Variants in AKAP6 observed in about 807,000 individuals in gnomAD.
AKAP6 encodes the protein A-kinase anchor protein 6.
In AKAP6, 58 loss-of-function variants were observed where a neutral mutation model predicts 188.5. That is an observed-to-expected ratio of 0.31 (90% confidence interval 0.25 to 0.38). The LOEUF is 0.38. Ranked by LOEUF, AKAP6 falls within the 10% of genes least tolerant of loss-of-function variation. The pLI, the probability that AKAP6 is intolerant of heterozygous loss-of-function variation, is 1.00. For synonymous variants in AKAP6, 989 were observed against 998.6 expected, an observed-to-expected ratio of 0.99 and a Z score of 0.18; for missense variants, 2,710 against 2,740.0, an observed-to-expected ratio of 0.99 and a Z score of 0.24.
In AKAP6 at chr14:32,357,678, A is replaced by T. The variant is rs11845434; in HGVS notation, c.-35+28270A>T. Among the ~76,000 whole-genome samples, 1,153 of 152,342 alleles carry T rather than the reference A, an allele frequency of 7.6e-3. 18 individuals are homozygous for T. The highest frequency in any genetic ancestry group is 0.027 in the African/African-American group (1,114 of 41,588). On this transcript the variant is annotated intron_variant, in intron 1 of 13. Coordinates refer to ENST00000280979, the MANE Select transcript of AKAP6 (RefSeq NM_004274.5). ...GCACCTTTATGAAAATTAGAAAAAG[A>T]CGTTCCTTTCTCGAAACACCTTACA...
In AKAP6 at chr14:32,786,226, T is replaced by C. The variant is rs1299687589; in HGVS notation, c.3588+12333T>C. ...CTTTCATGTTCGCTCTGAGGACAGATCTCTGATAATATACATCTGTAAAAT... is the reference window on the plus strand; with the variant it reads ...CTTTCATGTTCGCTCTGAGGACAGACCTCTGATAATATACATCTGTAAAAT... On this transcript the variant is annotated intron_variant, in intron 12 of 13. Transcript: ENST00000280979. Among the ~76,000 whole-genome samples the C allele has an allele frequency of 5.3e-5, 8 of 151,062 alleles. 2 individuals are homozygous for C. Among genetic ancestry groups the C allele is most frequent in the Admixed American group, 5.3e-4 (8 of 15,110 alleles).
Position 32,546,302 on chromosome 14 carries a change from C to G in AKAP6, c.1649C>G (p.Ser550Cys). The stretch of plus-strand genomic sequence containing the variant: ...GAGGGGCCACAAACAAATTCTGCTT[C>G]CACATCCTCACTTGAGCCTTGTAAT... ...AIEGPQTNSA[S>C]TSSLEPCNQR... Residue 550 changes from serine to cysteine, a missense_variant, in exon 4 of 14, where the codon TCC becomes TGC. Physicochemically the swap from Ser to Cys is moderately radical, Grantham distance 112. Coordinates refer to ENST00000280979, the MANE Select transcript of AKAP6 (RefSeq NM_004274.5). 1.2e-6 allele frequency: 2 copies of G among 1,614,190 alleles called. No homozygotes were observed. Among genetic ancestry groups the G allele is most frequent in the Non-Finnish European group, 1.7e-6 (2 of 1,180,020 alleles).
chr14:32,444,884 A>G (rs569781422), intron 2 of AKAP6, among the ~76,000 whole-genome samples: 1 of 152,340 alleles, frequency 6.6e-6, no homozygotes, highest in South Asian at 2.1e-4. Context: ...TATTTCTGTA[A>G]TAGTGAGAGT....
At chr14:32,606,260 T>C (rs1391176869) in intron 7 of AKAP6, among the ~76,000 whole-genome samples, 1 of 152,174 alleles carries the variant, frequency 6.6e-6, no homozygotes, top group Admixed American at 6.5e-5. Context: ...GTATGTTCAA[T>C]TTTTTAATGG....
rs1332305901 is a variant in AKAP6, at chr14:32,830,635, G to C, written c.*830G>C. 6.6e-6 allele frequency: 1 copy of C among 152,636 alleles called. No individual in the cohort carries two copies. The highest frequency in any genetic ancestry group is 1.5e-5 in the Non-Finnish European group (1 of 68,042). The allele number at this position is 152,636 out of a possible 1,614,324, so 9.5% of individuals were successfully genotyped here. On this transcript the variant is annotated 3_prime_UTR_variant, in exon 14 of 14. Coordinates refer to ENST00000280979, the MANE Select transcript of AKAP6 (RefSeq NM_004274.5). ...TGAAAGGAGGAAATAGCAAGGTTAA[G>C]ATGTGTGAATAATTTCTGTATATAT...
Position 32,602,131 on chromosome 14 carries a change from C to A in AKAP6, c.2730+1339C>A, listed in dbSNP as rs558615611. On this transcript the variant is annotated intron_variant, in intron 7 of 13. Transcript: ENST00000280979. Reference sequence around the variant, plus strand: ...ACTGTATTCAGCACATTTCTCAGGGCAAACTCGGAGCTATTTTAAGGAGTA... The same window carrying A: ...ACTGTATTCAGCACATTTCTCAGGGAAAACTCGGAGCTATTTTAAGGAGTA... Among the ~76,000 whole-genome samples, 4 of 152,116 alleles carry A rather than the reference C, an allele frequency of 2.6e-5. No homozygotes were observed. The South Asian group carries it at 8.3e-4, about 32-fold the overall frequency.
At chr14:32,777,109 C>T (rs532884862) in intron 12 of AKAP6, among the ~76,000 whole-genome samples, 3 of 152,106 alleles carry the variant, frequency 2.0e-5, no homozygotes, top group Non-Finnish European at 4.4e-5. Context: ...AGTAATGGGG[C>T]AAACTTAGAC....
chr14:32,525,311 A>G (rs1006814890), intron 2 of AKAP6, among the ~76,000 whole-genome samples: 1 of 152,224 alleles, frequency 6.6e-6, no homozygotes, highest in South Asian at 2.1e-4. Flanking sequence ...TTAAAGTGAT[A>G]GCTCAATAAA....
intron 2 of AKAP6, among the ~76,000 whole-genome samples, chr14:32,461,351 C>T (rs540487067): frequency 5.6e-4 from 85 of 152,262 alleles, no homozygotes; most frequent in African/African-American, 1.8e-3. Context: ...GGCCAGTGCC[C>T]CTCTGGGACG....
intron 7 of AKAP6, among the ~76,000 whole-genome samples, chr14:32,602,144 A>G (rs1452090333): frequency 6.6e-6 from 1 of 152,158 alleles, no homozygotes; most frequent in East Asian, 1.9e-4. Flanking sequence ...ACTCGGAGCT[A>G]TTTTAAGGAG....
At chr14:32,679,246 A>G (rs1889571435) in intron 8 of AKAP6, among the ~76,000 whole-genome samples, 1 of 152,080 alleles carries the variant, frequency 6.6e-6, no homozygotes, top group South Asian at 2.1e-4. Flanking sequence ...TTCCAGCCCA[A>G]TTGTAATATT....
chr14:32,580,227 A>G (rs573509643), intron 5 of AKAP6, among the ~76,000 whole-genome samples: 3 of 152,234 alleles, frequency 2.0e-5, no homozygotes, highest in African/African-American at 7.2e-5. Context: ...TGAAATTGCA[A>G]TGATACATCA....
chr14:32,710,801 T>C (rs922399208), intron 9 of AKAP6, among the ~76,000 whole-genome samples: 2 of 152,086 alleles, frequency 1.3e-5, no homozygotes, highest in African/African-American at 4.8e-5. Context: ...TGGTCCTTGG[T>C]AAATAGTATG....
chr14:32,392,014 A>C (rs1888732882), intron 1 of AKAP6, among the ~76,000 whole-genome samples: 1 of 152,124 alleles, frequency 6.6e-6, no homozygotes, highest in Admixed American at 6.6e-5. Context: ...TTAATATTTC[A>C]CTTACTTAAA....
At position 32,659,158 on chromosome 14, in the gene AKAP6, G is replaced by T. The variant is rs530168582; in HGVS notation, c.2731-19153G>T. Among the ~76,000 whole-genome samples, 9 of 152,252 alleles carry T rather than the reference G, an allele frequency of 5.9e-5. No homozygotes were observed. The East Asian group carries it at 1.7e-3, about 29-fold the overall frequency. ...TTTAGCACACGATGATTCCGCTGTT[G>T]CTACATTCATGGCTGCTCCAAGTAA... On this transcript the variant is annotated intron_variant, in intron 7 of 13. Coordinates refer to ENST00000280979, the MANE Select transcript of AKAP6 (RefSeq NM_004274.5).
chr14:32,591,911 G>A (rs1234944199), intron 5 of AKAP6, among the ~76,000 whole-genome samples: 1 of 152,110 alleles, frequency 6.6e-6, no homozygotes, highest in East Asian at 1.9e-4. Context: ...TGATGAGAGG[G>A]CAAAGTTAAT....
intron 1 of AKAP6, among the ~76,000 whole-genome samples, chr14:32,393,873 TAATTCCAACTGGCAA>T (rs1231965783): frequency 6.6e-6 from 1 of 152,152 alleles, no homozygotes; most frequent in Non-Finnish European, 1.5e-5. Flanking sequence ...TTATTTGTTT[TAATTCCAACTGGCAA>T]ATTTGAATAT....
chr14:32,813,348 T>A (rs2034288114), intron 12 of AKAP6, among the ~76,000 whole-genome samples: 1 of 151,892 alleles, frequency 6.6e-6, no homozygotes, highest in Non-Finnish European at 1.5e-5. Context: ...ATCAAATCTC[T>A]TTGTTCAAGA....
chr14:32,616,932 G>A (rs1886605338), intron 7 of AKAP6: 1 of 152,062 alleles, frequency 6.6e-6, no homozygotes, highest in Non-Finnish European at 1.5e-5. Flanking sequence ...GAAAACCTGG[G>A]GGCTTTGCCC....
Sources: gnomAD v4.1 joint callset for allele counts (sites outside exome capture counted in the v4.1 genomes callset) on GRCh38, gnomAD v4.1.1 for gene constraint, MANE v1.5 for transcripts, NCBI Gene and HGNC (gene_info 2026-07-23, HGNC 2026-07-21) for gene names.